SHOC2: variants seen among roughly 807,000 people sequenced by gnomAD.
SHOC2 encodes leucine-rich repeat protein SHOC-2.
A neutral mutation model predicts 50.2 loss-of-function variants in SHOC2; 4 were observed. The ratio of observed to expected loss-of-function variants is 0.08; its 90% CI spans 0.04 to 0.18. The LOEUF (loss-of-function observed/expected upper bound fraction) is 0.18. SHOC2 is among the 10% of genes least tolerant of loss of function. The probability of loss-of-function intolerance (pLI) is 1.00; values close to 1 mark genes in which losing one functional copy is unlikely to be tolerated. For synonymous variants in SHOC2, 218 were observed against 244.5 expected, an observed-to-expected ratio of 0.89 and a Z score of 1.01; for missense variants, 388 against 669.6, an observed-to-expected ratio of 0.58 and a Z score of 4.64.
chr10:110,981,876 T>TAGTTATTTATTTATTATACTC (rs1554859803), intron 2 of SHOC2, among the ~76,000 whole-genome samples: 2 of 135,412 alleles, frequency 1.5e-5, no homozygotes, highest in Admixed American at 1.5e-4. Context: ...ATTTATTTTT[T>TAGTTATTTATTTATTATACTC]TAAGTTTTAG....
chr10:110,928,973 C>A (rs1846834409), intron 1 of SHOC2, among the ~76,000 whole-genome samples: 1 of 152,108 alleles, frequency 6.6e-6, no homozygotes, highest in Admixed American at 6.5e-5. Flanking sequence ...ACTTTCCTGG[C>A]TTTTTCTCAA....
chr10:111,009,355 A>G lies in SHOC2; in HGVS notation c.1392A>G (p.Pro464=). Residue 464 remains proline (P), a synonymous_variant, in exon 7 of 9, where the codon CCA becomes CCG. Transcript: ENST00000369452. ...AAGAGAACAAATTGGAATCCTTGCC[A>G]AATGAAATTGCATATCTTAAGGATT... is the stretch of plus-strand genomic sequence containing the variant. ...DLEENKLESL[P]NEIAYLKDLQ... 6.2e-7 allele frequency: 1 copy of G among 1,611,114 alleles called. No homozygotes were observed. Among genetic ancestry groups the G allele is most frequent in the East Asian group, 2.2e-5 (1 of 44,684 alleles).
chr10:110,937,245 C>T lies in SHOC2; in HGVS notation c.-235+17588C>T, dbSNP rs1362151748. The T allele has an allele frequency of 3.8e-6, 4 of 1,059,774 alleles. No individual in the cohort carries two copies. In the Admixed American group the frequency reaches 5.3e-5, roughly 14 times the overall value. The allele number at this position is 1,059,774 out of a possible 1,614,324, so 65.6% of individuals were successfully genotyped here. ...TGCACCTCTGCCATCTTCGGCTGCC[C>T]CTTGGGAAAGCTGCTTTTTTTTTTT... On this transcript the variant is annotated intron_variant, in intron 1 of 8. Transcript: ENST00000369452.
chr10:110,956,282 C>A (rs1012150858), intron 1 of SHOC2, among the ~76,000 whole-genome samples: 2 of 152,008 alleles, frequency 1.3e-5, no homozygotes, highest in African/African-American at 4.8e-5. Flanking sequence ...GCTGGAGTCT[C>A]GGCTCACTGC....
intron 2 of SHOC2, among the ~76,000 whole-genome samples, chr10:110,983,773 GT>G (rs946985829): frequency 6.6e-5 from 10 of 151,950 alleles, no homozygotes; most frequent in Non-Finnish European, 1.0e-4. Flanking sequence ...TCATAAAATT[GT>G]TTTTTTGTGT....
chr10:110,922,669 A>T lies in SHOC2; in HGVS notation c.-235+3012A>T, dbSNP rs183149477. ...AATGCTTATAACAAAATAAGATTTT[A>T]AAAAACCCCAAACAATAAAAAACAA... On this transcript the variant is annotated intron_variant, in intron 1 of 8. Transcript: ENST00000369452. Among the ~76,000 whole-genome samples the T allele has an allele frequency of 8.5e-5, 13 of 152,200 alleles. No homozygotes were observed. The East Asian group carries it at 1.9e-3, about 23-fold the overall frequency.
rs192889815 is a variant in SHOC2, at chr10:111,004,504, C to A, written c.973-102C>A. On this transcript the variant is annotated intron_variant, in intron 4 of 8. Coordinates refer to ENST00000369452, the MANE Select transcript of SHOC2 (RefSeq NM_007373.4). ...CCCAACCAGTCTCTGTCATTTGTCA[C>A]CCCCCAAAGCCCTTTGAGGCATTTG... The A allele has an allele frequency of 1.9e-3, 1,479 of 795,090 alleles. 4 individuals are homozygous for A. Among genetic ancestry groups the A allele is most frequent in the Non-Finnish European group, 1.8e-3 (829 of 463,890 alleles). 49.3% of individuals were successfully genotyped at this position (795,090 alleles called of 1,614,324 possible). A position where few individuals can be genotyped will look rare whatever the true frequency, so the allele number is the denominator to read the frequency against.
intron 3 of SHOC2, among the ~76,000 whole-genome samples, chr10:110,986,638 T>A (rs1477020673): frequency 6.6e-6 from 1 of 152,114 alleles, no homozygotes; most frequent in East Asian, 1.9e-4. Flanking sequence ...CACGCCTGGC[T>A]AATTTTTTTC....
At chr10:111,005,804 A>G (rs1848455742) in intron 5 of SHOC2, among the ~76,000 whole-genome samples, 1 of 152,262 alleles carries the variant, frequency 6.6e-6, no homozygotes, top group Non-Finnish European at 1.5e-5. Context: ...AATTGGCCAC[A>G]TAGCTGATAG....
At chr10:110,944,311 T>C (rs1483648286) in intron 1 of SHOC2, among the ~76,000 whole-genome samples, 1 of 151,714 alleles carries the variant, frequency 6.6e-6, no homozygotes, top group Admixed American at 6.6e-5. Flanking sequence ...TCTACCTTTA[T>C]GTGTGCTCCT....
chr10:110,991,729 T>C (rs188468288), intron 3 of SHOC2, among the ~76,000 whole-genome samples: 6 of 152,342 alleles, frequency 3.9e-5, no homozygotes, highest in African/African-American at 1.4e-4. Flanking sequence ...TCTTGGTCTG[T>C]TAAAAATTTC....
chr10:110,974,481 T>C (rs771929873), intron 2 of SHOC2, among the ~76,000 whole-genome samples: 8 of 152,198 alleles, frequency 5.3e-5, no homozygotes, highest in African/African-American at 7.2e-5. Context: ...TTGCATTGTA[T>C]ACCTTTTTCT....
At position 110,987,752 on chromosome 10, in the gene SHOC2, T is replaced by C. The variant is rs375158782; in HGVS notation, c.841+1987T>C. ...TAGGAGAAAAAAAACATAGGATATT[T>C]AAACTGCATGTTTAAAACATGATGA... On this transcript the variant is annotated intron_variant, in intron 3 of 8. Transcript: ENST00000369452. 3.2e-3 allele frequency among the ~76,000 whole-genome samples: 487 copies of C among 152,190 alleles called. 26 individuals carry two copies. The South Asian group carries it at 0.093, about 29-fold the overall frequency.
chr10:110,987,845 A>G (rs1293877331), intron 3 of SHOC2, among the ~76,000 whole-genome samples: 1 of 152,192 alleles, frequency 6.6e-6, no homozygotes, highest in Non-Finnish European at 1.5e-5. Context: ...AATCAAATTT[A>G]ATGGAAAATT....
chr10:110,960,962 C>A (rs1319341828), intron 1 of SHOC2, among the ~76,000 whole-genome samples: 2 of 152,164 alleles, frequency 1.3e-5, no homozygotes, highest in Admixed American at 1.3e-4. Flanking sequence ...CAGACGTGAA[C>A]CACCACGCCT....
At chr10:110,962,758 C>T (rs1205644244) in intron 1 of SHOC2, among the ~76,000 whole-genome samples, 1 of 152,184 alleles carries the variant, frequency 6.6e-6, no homozygotes, top group South Asian at 2.1e-4. Flanking sequence ...GCTTTGCCAT[C>T]TCTCCTTTAC....
At chr10:110,969,468 T>C (rs1181903497) in intron 2 of SHOC2, among the ~76,000 whole-genome samples, 1 of 152,204 alleles carries the variant, frequency 6.6e-6, no homozygotes, top group African/African-American at 2.4e-5. Flanking sequence ...ACAGTTTGTA[T>C]AACGAATCTA....
chr10:110,990,241 C>T (rs1208183279), intron 3 of SHOC2, among the ~76,000 whole-genome samples: 1 of 152,198 alleles, frequency 6.6e-6, no homozygotes, highest in Non-Finnish European at 1.5e-5. Context: ...CTGGTGGGGA[C>T]GTGGAGAGTC....
rs1848580387 is a variant in SHOC2 at position 111,012,268 on chromosome 10, G to T, written c.*450G>T. 1 of 168,360 alleles carries T rather than the reference G, an allele frequency of 5.9e-6. No homozygotes were observed. The highest frequency in any genetic ancestry group is 1.4e-4 in the South Asian group (1 of 7,056). 10.4% of individuals were successfully genotyped at this position (168,360 alleles called of 1,614,324 possible). A position where few individuals can be genotyped will look rare whatever the true frequency, so the allele number is the denominator to read the frequency against. On this transcript the variant is annotated 3_prime_UTR_variant, in exon 9 of 9. Coordinates refer to ENST00000369452, the MANE Select transcript of SHOC2 (RefSeq NM_007373.4). ...AGAATTTTTCTTTAACTTATTTTGA[G>T]ATTTGAGATTTAAATTTTATGTATT...
Sources: gnomAD v4.1 joint callset for allele counts (sites outside exome capture counted in the v4.1 genomes callset) on GRCh38, gnomAD v4.1.1 for gene constraint, MANE v1.5 for transcripts, NCBI Gene and HGNC (gene_info 2026-07-23, HGNC 2026-07-21) for gene names.